RANBP3: variants seen among roughly 807,000 people sequenced by gnomAD.
The protein encoded by RANBP3 is ran-binding protein 3.
In RANBP3, 14 loss-of-function variants were observed where a neutral mutation model predicts 77.3. The ratio of observed to expected loss-of-function variants is 0.18; its 90% CI spans 0.12 to 0.28. The LOEUF (loss-of-function observed/expected upper bound fraction) is 0.28, where lower values mean the gene tolerates loss of function less well. RANBP3 is among the 10% of genes least tolerant of loss of function. The pLI, the probability that RANBP3 is intolerant of heterozygous loss-of-function variation, is 1.00. For synonymous variants in RANBP3, 315 were observed against 312.4 expected (o/e 1.01, Z -0.09); for missense variants, 586 against 752.3 (o/e 0.78, Z 2.59).
intron 5 of RANBP3, among the ~76,000 whole-genome samples, chr19:5,936,917 C>A (rs1037652595): frequency 4.6e-5 from 7 of 151,570 alleles, no homozygotes; most frequent in Admixed American, 6.6e-5. Context: ...GAGTATCCCA[C>A]GGGTGGTGAG....
chr19:5,923,030 T>C (rs112069993), intron 13 of RANBP3, among the ~76,000 whole-genome samples, 164 bp downstream of exon 13: 3 of 152,318 alleles, frequency 2.0e-5, no homozygotes, highest in African/African-American at 7.2e-5. Context: ...GCCTAAGCTC[T>C]CTCTACAAAC....
chr19:5,924,813 A>G lies in RANBP3; in HGVS notation c.996+14T>C. The G allele has an allele frequency of 1.2e-6, 2 of 1,612,004 alleles. No homozygotes were observed. Among genetic ancestry groups the G allele is most frequent in the South Asian group, 1.1e-5 (1 of 91,052 alleles). On this transcript the variant is annotated intron_variant, in intron 11 of 16. Coordinates refer to ENST00000340578, the MANE Select transcript of RANBP3 (RefSeq NM_007322.3). The surrounding 1 kb of genome is among the most constrained non-coding windows in gnomAD (Gnocchi z 4.7). Reference sequence around the variant, plus strand: ...CCTCTGGTCCCTGAGAACATTCCCAACACAGCCACTCACCAAAACTCGCTC... The same window carrying G: ...CCTCTGGTCCCTGAGAACATTCCCAGCACAGCCACTCACCAAAACTCGCTC...
chr19:5,933,168 A>C (rs1599738606), intron 6 of RANBP3: 1 of 464,366 alleles, frequency 2.2e-6, no homozygotes, highest in African/African-American at 2.0e-5. Context: ...CGCCCGATGC[A>C]CCCCGCCTAG....
chr19:5,918,717 TC>T, intron 14 of RANBP3, 79 bp from the exon 15 acceptor site: 4 of 1,531,104 alleles, frequency 2.6e-6, no homozygotes, highest in South Asian at 1.2e-5. Flanking sequence ...GCCAACACAG[TC>T]CAGATGGAAA....
chr19:5,948,102 C>T (rs901081364), intron 3 of RANBP3, among the ~76,000 whole-genome samples: 3 of 152,150 alleles, frequency 2.0e-5, no homozygotes, highest in Non-Finnish European at 2.9e-5. Context: ...GAAGGAATGG[C>T]ACTGTTTACC....
intron 1 of RANBP3, among the ~76,000 whole-genome samples, chr19:5,960,310 G>A (rs910932610): frequency 6.6e-6 from 1 of 152,044 alleles, no homozygotes; most frequent in African/African-American, 2.4e-5. Flanking sequence ...ACTCTGGCCT[G>A]AGAGAGGCGC....
rs755739821 is a variant in RANBP3, at chr19:5,978,049, C to T, written c.22+12G>A. On this transcript the variant is annotated intron_variant, in intron 1 of 16. Transcript: ENST00000340578. Reference sequence around the variant, plus strand: ...CCGGCCGCCAGCCGGTCCCCAACGGCGCCTCCCCTACCTTCGTTCGCCAGG... The same window carrying T: ...CCGGCCGCCAGCCGGTCCCCAACGGTGCCTCCCCTACCTTCGTTCGCCAGG... 3 of 1,610,026 alleles carry T rather than the reference C, an allele frequency of 1.9e-6. No individual in the cohort carries two copies. The highest frequency in any genetic ancestry group is 8.5e-7 in the Non-Finnish European group (1 of 1,178,442).
intron 14 of RANBP3, among the ~76,000 whole-genome samples, chr19:5,919,572 A>C (rs2057790441): frequency 6.6e-6 from 1 of 152,172 alleles, no homozygotes; most frequent in Non-Finnish European, 1.5e-5. Context: ...GGACATTTGA[A>C]CATTTCCACG....
intron 3 of RANBP3, among the ~76,000 whole-genome samples, chr19:5,949,645 C>T (rs948780808): frequency 3.9e-5 from 6 of 152,236 alleles, no homozygotes; most frequent in Non-Finnish European, 7.3e-5. Context: ...CATCCCAAGG[C>T]TCCCTGCCAT....
chr19:5,951,537 C>T lies in RANBP3; in HGVS notation c.138G>A (p.Glu46=), dbSNP rs775943789. Residue 46 remains glutamate, a synonymous_variant, in exon 3 of 17, where the codon GAG becomes GAA. Coordinates refer to ENST00000340578, the MANE Select transcript of RANBP3 (RefSeq NM_007322.3). The part of the protein sequence containing the change: ...DSGEEPRGEA[E]APHHGTGHPE... ...GGTGACCCGTGCCATGGTGGGGGGCCTCAGCCTCCCCCCGAGGCTCCTCTC... is the reference window on the plus strand; with the variant it reads ...GGTGACCCGTGCCATGGTGGGGGGCTTCAGCCTCCCCCCGAGGCTCCTCTC... 2 of 1,612,416 alleles carry T rather than the reference C, an allele frequency of 1.2e-6. No individual in the cohort carries two copies. The highest frequency in any genetic ancestry group is 1.7e-6 in the Non-Finnish European group (2 of 1,179,144).
At chr19:5,941,572 G>C in intron 5 of RANBP3, 49 bp downstream of exon 5, 1 of 1,496,618 alleles carries the variant, frequency 6.7e-7, no homozygotes, top group Non-Finnish European at 9.2e-7. Context: ...GGAATGGCGG[G>C]TTTGTAAGCA....
intron 8 of RANBP3, among the ~76,000 whole-genome samples, chr19:5,930,059 G>A (rs1033328002): frequency 6.6e-6 from 1 of 152,252 alleles, no homozygotes; most frequent in African/African-American, 2.4e-5. Context: ...GCTCTCGGTA[G>A]CGGGTGCTAC....
intron 1 of RANBP3, among the ~76,000 whole-genome samples, chr19:5,975,308 T>C (rs1413737634): frequency 6.6e-6 from 1 of 152,084 alleles, no homozygotes; most frequent in Non-Finnish European, 1.5e-5. Context: ...TGGCACTTAC[T>C]AGGGAAAAAA....
chr19:5,932,268 G>C (rs2058002656), intron 7 of RANBP3, among the ~76,000 whole-genome samples, 184 bp downstream of exon 7: 1 of 152,200 alleles, frequency 6.6e-6, no homozygotes, highest in Non-Finnish European at 1.5e-5. Flanking sequence ...TCCGTTGCCA[G>C]GGCTCAGGAG....
At chr19:5,925,573 G>C (rs2057894271) in intron 10 of RANBP3, 61 bp downstream of exon 10, 2 of 1,476,364 alleles carry the variant, frequency 1.4e-6, no homozygotes. Flanking sequence ...CTCTCTGGCA[G>C]AAGCCCTCGC....
At chr19:5,919,898 T>TC (rs1293884258) in intron 14 of RANBP3, among the ~76,000 whole-genome samples, 1 of 80,884 alleles carries the variant, frequency 1.2e-5, no homozygotes, top group Admixed American at 1.5e-4. Context: ...CAAAACTCCG[T>TC]CTCAAAAAAA....
At chr19:5,968,943 A>G (rs2058499263) in intron 1 of RANBP3, among the ~76,000 whole-genome samples, 1 of 152,208 alleles carries the variant, frequency 6.6e-6, no homozygotes, top group East Asian at 1.9e-4. Flanking sequence ...TGCAGAGAAA[A>G]TACCACAGGA....
chr19:5,960,731 T>C (rs1260996063), intron 1 of RANBP3, among the ~76,000 whole-genome samples: 1 of 152,192 alleles, frequency 6.6e-6, no homozygotes, highest in East Asian at 1.9e-4. Flanking sequence ...TGTCGGTGGA[T>C]CTGCAGGTGC....
chr19:5,961,750 A>AAACAG (rs1340251450), intron 1 of RANBP3, among the ~76,000 whole-genome samples: 1 of 151,926 alleles, frequency 6.6e-6, no homozygotes, highest in African/African-American at 2.4e-5. Context: ...AAACAAAACA[A>AAACAG]AACAAAACAA....
Sources: allele counts gnomAD v4.1 joint callset (sites outside exome capture counted in the v4.1 genomes callset), GRCh38; gene constraint gnomAD v4.1.1; non-coding constraint Gnocchi (gnomAD v3.1); transcripts MANE v1.5; gene names NCBI Gene and HGNC (gene_info 2026-07-23, HGNC 2026-07-21).